Variants in DAB1 observed in about 807,000 individuals in gnomAD.
The protein encoded by DAB1 is DAB adaptor protein 1.
Under a neutral mutation model 64.6 loss-of-function variants are expected in DAB1, and 15 were observed. The observed-to-expected ratio is 0.23, with a 90% CI of 0.16 to 0.36. The LOEUF (loss-of-function observed/expected upper bound fraction) is 0.36, where lower values mean the gene tolerates loss of function less well. DAB1 is among the 10% of genes least tolerant of loss of function. The pLI, the probability that DAB1 is intolerant of heterozygous loss-of-function variation, is 1.00. For synonymous variants in DAB1, 235 were observed against 251.9 expected, an observed-to-expected ratio of 0.93 and a Z score of 0.64; for missense variants, 596 against 706.7, an observed-to-expected ratio of 0.84 and a Z score of 1.78.
chr1:57,186,291 A>G (rs1353919715), intron 2 of DAB1, among the ~76,000 whole-genome samples: 4 of 152,156 alleles, frequency 2.6e-5, no homozygotes, highest in African/African-American at 9.7e-5. Context: ...GGAAAAACCA[A>G]CTCACAAAAA....
At chr1:58,113,767 G>C (rs192352438) in intron 5 of DAB1, among the ~76,000 whole-genome samples, 12 of 152,284 alleles carry the variant, frequency 7.9e-5, no homozygotes, top group Admixed American at 3.9e-4. Flanking sequence ...GAAGTACGGG[G>C]AGCATCTGCA....
intron 7 of DAB1, among the ~76,000 whole-genome samples, chr1:57,614,086 T>C (rs1032662548): frequency 2.0e-5 from 3 of 152,118 alleles, no homozygotes; most frequent in Non-Finnish European, 4.4e-5. Flanking sequence ...AATTGGCAAG[T>C]ATGTGCCCAT....
chr1:57,049,319 C>T (rs1424060370), intron 9 of DAB1, among the ~76,000 whole-genome samples: 8 of 151,370 alleles, frequency 5.3e-5, no homozygotes, highest in East Asian at 2.0e-4. Context: ...GGCATGGTGG[C>T]GGGCACCTGT....
intron 2 of DAB1, among the ~76,000 whole-genome samples, chr1:57,203,540 A>C (rs972560807): frequency 1.3e-5 from 2 of 152,198 alleles, no homozygotes; most frequent in Non-Finnish European, 2.9e-5. Context: ...ATGTGTGACA[A>C]GGACAGCCAA....
At chr1:57,658,943 C>T (rs894914265) in intron 6 of DAB1, among the ~76,000 whole-genome samples, 22 of 152,166 alleles carry the variant, frequency 1.4e-4, no homozygotes, top group African/African-American at 5.3e-4. Flanking sequence ...AGAGTTTTCC[C>T]CATTCTCTGG....
At chr1:57,309,440 T>C (rs1674483462) in intron 1 of DAB1, among the ~76,000 whole-genome samples, 1 of 152,222 alleles carries the variant, frequency 6.6e-6, no homozygotes, top group Non-Finnish European at 1.5e-5. Flanking sequence ...TCAAAAAGCA[T>C]AAAAGTGTCT....
chr1:58,187,202 T>C (rs1034560678), intron 4 of DAB1, among the ~76,000 whole-genome samples: 1 of 150,730 alleles, frequency 6.6e-6, no homozygotes, highest in African/African-American at 2.5e-5. Context: ...CTCATGCCTA[T>C]AATCCCAGCA....
At chr1:58,245,059 A>C (rs974175945) in intron 4 of DAB1, among the ~76,000 whole-genome samples, 3 of 152,198 alleles carry the variant, frequency 2.0e-5, no homozygotes, top group Non-Finnish European at 4.4e-5. Flanking sequence ...TGCTCACCAA[A>C]GTATCAAGAG....
intron 4 of DAB1, among the ~76,000 whole-genome samples, chr1:58,291,546 T>C (rs527524783): frequency 6.6e-6 from 1 of 152,336 alleles, no homozygotes; most frequent in East Asian, 1.9e-4. Flanking sequence ...AGAGAAATTT[T>C]CTCTCTTGTT....
At chr1:57,475,052 G>A (rs1334364182) in intron 7 of DAB1, among the ~76,000 whole-genome samples, 1 of 152,144 alleles carries the variant, frequency 6.6e-6, no homozygotes, top group East Asian at 1.9e-4. Context: ...CTGAGGTCAG[G>A]AGCTCGAGAC....
At chr1:57,950,118 A>G (rs1645250365) in intron 5 of DAB1, among the ~76,000 whole-genome samples, 1 of 152,176 alleles carries the variant, frequency 6.6e-6, no homozygotes, top group African/African-American at 2.4e-5. Context: ...AGCAAATTAA[A>G]GCATCCCCAT....
In DAB1 at chr1:57,875,070, C is replaced by A. The variant is rs1259944352; in HGVS notation, n.87+8929G>T. 2.0e-5 allele frequency: 3 copies of A among 152,188 alleles called. No individual in the cohort carries two copies. The East Asian group carries it at 5.8e-4, about 29-fold the overall frequency. The allele number at this position is 152,188 out of a possible 1,614,324, so 9.4% of individuals were successfully genotyped here. On this transcript the variant is annotated intron_variant and non_coding_transcript_variant, in intron 1 of 1. Coordinates refer to the DAB1 transcript ENST00000477280. ...GTCCAGAGAGGGCAAGCTCAACTACCTACTGAATCTCCAAACTAAGCACTG... is the reference window on the plus strand; with the variant it reads ...GTCCAGAGAGGGCAAGCTCAACTACATACTGAATCTCCAAACTAAGCACTG...
chr1:57,382,558 T>C lies in DAB1; in HGVS notation c.-137+41372A>G, dbSNP rs145519046. 4.9e-3 allele frequency among the ~76,000 whole-genome samples: 750 copies of C among 152,316 alleles called. 18 individuals carry two copies. The highest frequency in any genetic ancestry group is 0.016 in the East Asian group (83 of 5,186). Reference sequence around the variant, plus strand: ...CAAAATATCCAGAAAGCCACATTCCTTTCTGGAGCTTCAAAGGGAGAATCC... The same window carrying C: ...CAAAATATCCAGAAAGCCACATTCCCTTCTGGAGCTTCAAAGGGAGAATCC... On this transcript the variant is annotated intron_variant, in intron 1 of 14. Transcript: ENST00000371236.
chr1:57,415,127 T>C (rs754471848), intron 1 of DAB1, among the ~76,000 whole-genome samples: 15 of 152,114 alleles, frequency 9.9e-5, no homozygotes, highest in Non-Finnish European at 1.6e-4. Flanking sequence ...TAAAAAGCTA[T>C]AATAAAGTTT....
rs865869141 is a variant in DAB1 at position 57,015,383 on chromosome 1, G to C, written c.944C>G (p.Pro315Arg). Residue 315 changes from proline to arginine, a missense_variant, in exon 12 of 15, where the codon CCC (proline) becomes CGC (arginine). Around this residue, in one of 3 missense-constraint regions of DAB1, gnomAD observed 377 missense variants for 400.4 expected, o/e 0.94. Transcript: ENST00000371236. ...CATGACCATCTGCTGTTGGACGAGG[G>C]GCTGCTGACCCCAGAAGGACGGGAG... Reference protein sequence around the residue: ...AVLPSFWGQQPLVQQQMVMGA... With the variant: ...AVLPSFWGQQRLVQQQMVMGA... The C allele has an allele frequency of 6.2e-7, 1 of 1,613,816 alleles. No homozygotes were observed. The highest frequency in any genetic ancestry group is 1.1e-5 in the South Asian group (1 of 91,060).
chr1:58,293,776 C>T (rs1218781353), intron 4 of DAB1, among the ~76,000 whole-genome samples: 2 of 152,210 alleles, frequency 1.3e-5, no homozygotes, highest in Non-Finnish European at 2.9e-5. Flanking sequence ...GTCTCATTTT[C>T]TTCCAAAGTG....
intron 6 of DAB1, among the ~76,000 whole-genome samples, chr1:57,747,339 T>C (rs1648324942): frequency 6.6e-6 from 1 of 152,204 alleles, no homozygotes; most frequent in Non-Finnish European, 1.5e-5. Flanking sequence ...CTTTCTTGCA[T>C]GTATTTTATT....
At chr1:57,763,116 A>T (rs1180303461) in intron 6 of DAB1, among the ~76,000 whole-genome samples, 1 of 152,190 alleles carries the variant, frequency 6.6e-6, no homozygotes, top group African/African-American at 2.4e-5. Flanking sequence ...GCGACACAGG[A>T]TGTATCACAT....
intron 7 of DAB1, among the ~76,000 whole-genome samples, chr1:57,614,440 G>A (rs1645765227): frequency 6.6e-6 from 1 of 152,170 alleles, no homozygotes; most frequent in African/African-American, 2.4e-5. Context: ...AATGCTTTCA[G>A]TTTGAAGCAC....
Sources: allele counts gnomAD v4.1 joint callset (sites outside exome capture counted in the v4.1 genomes callset), GRCh38; gene constraint gnomAD v4.1.1; regional missense constraint gnomAD v4.1.1; transcripts MANE v1.5; gene names NCBI Gene and HGNC (gene_info 2026-07-23, HGNC 2026-07-21).